FBXO21: variants seen among roughly 807,000 people sequenced by gnomAD.
FBXO21 encodes the protein F-box protein 21, also known as F-box only protein 21.
FBXO21 carries 32 observed loss-of-function variants against 76.6 expected under a neutral mutation model. The ratio of observed to expected loss-of-function variants is 0.42; its 90% CI spans 0.32 to 0.56. The LOEUF is 0.56. Ranked by LOEUF, FBXO21 falls within the 20% of genes least tolerant of loss-of-function variation. FBXO21 has a pLI of 0.16. For missense variants in FBXO21, 586 were observed against 797.3 expected (o/e 0.73, Z 3.19); for synonymous variants, 328 against 311.5 (o/e 1.05, Z -0.56).
chr12:117,151,336 T>C (rs1260074088), intron 11 of FBXO21, among the ~76,000 whole-genome samples: 1 of 144,758 alleles, frequency 6.9e-6, no homozygotes, highest in African/African-American at 2.4e-5. Flanking sequence ...GGACATCCCA[T>C]TAGGGTTTAG....
chr12:117,165,257 G>T (rs924504999), intron 9 of FBXO21, among the ~76,000 whole-genome samples: 39 of 152,048 alleles, frequency 2.6e-4, no homozygotes, highest in African/African-American at 8.5e-4. Flanking sequence ...GTGGTTCTAG[G>T]GTTTAAGGAG....
Position 117,174,767 on chromosome 12 carries a change from G to A in FBXO21, c.623C>T (p.Pro208Leu). 6.2e-7 allele frequency: 1 copy of A among 1,614,110 alleles called. No individual in the cohort carries two copies. The highest frequency in any genetic ancestry group is 1.1e-5 in the South Asian group (1 of 91,078). ...GTCTTTGAGGCTGATGTCGGAGAGAGGATTGCAGTACTGGTCAATATATAC... is the reference window on the plus strand; with the variant it reads ...GTCTTTGAGGCTGATGTCGGAGAGAAGATTGCAGTACTGGTCAATATATAC... ...GAVYIDQYCN[P>L]LSDISLKDIQ... Residue 208 changes from proline to leucine, a missense_variant, in exon 5 of 12, where the codon CCT (proline) becomes CTT (leucine). Transcript: ENST00000622495.
At chr12:117,156,828 C>T (rs775326992) in intron 10 of FBXO21, among the ~76,000 whole-genome samples, 1 of 152,170 alleles carries the variant, frequency 6.6e-6, no homozygotes, top group Non-Finnish European at 1.5e-5. Context: ...CATGTAGATA[C>T]TGATACACAG....
intron 9 of FBXO21, among the ~76,000 whole-genome samples, chr12:117,161,662 G>A (rs7300763): frequency 0.2 from 30,022 of 152,064 alleles, 3,368 homozygotes; most frequent in East Asian, 0.41. Context: ...TGTAGCAGGT[G>A]TGTGGATATG....
At chr12:117,190,162 C>G in intron 1 of FBXO21, 56 bp downstream of exon 1, 1 of 1,019,778 alleles carries the variant, frequency 9.8e-7, no homozygotes, top group Non-Finnish European at 1.2e-6. Context: ...GGCTGCCCGG[C>G]CCCGGGGGGC....
rs745883444 is a variant in FBXO21, at chr12:117,167,065, G to A, written c.1026C>T (p.Asp342=). The A allele has an allele frequency of 5.6e-6, 9 of 1,613,854 alleles. No homozygotes were observed. The Middle Eastern group carries it at 1.2e-3, about 207-fold the overall frequency. Residue 342 remains aspartate (D), a synonymous_variant, in exon 8 of 12, where the codon GAC becomes GAT. Coordinates refer to ENST00000622495, the MANE Select transcript of FBXO21 (RefSeq NM_015002.3). ...CATCTATGTAGATGTAGTCAAAGAT[G>A]TCCAGGGTCGCCCTATCCAAAGAGC... is the stretch of plus-strand genomic sequence containing the variant. ...WCQGAEGATL[D]IFDYIYIDAF... is the part of the protein sequence containing the mutation.
chr12:117,158,585 G>A (rs1392039103), intron 9 of FBXO21, among the ~76,000 whole-genome samples: 1 of 152,184 alleles, frequency 6.6e-6, no homozygotes, highest in Non-Finnish European at 1.5e-5. Flanking sequence ...CCTCAGTGCT[G>A]GAAAAGATGG....
chr12:117,189,336 C>A lies in FBXO21; in HGVS notation c.266G>T (p.Ser89Ile). 1 of 1,614,142 alleles carries A rather than the reference C, an allele frequency of 6.2e-7. No individual in the cohort carries two copies. The highest frequency in any genetic ancestry group is 8.5e-7 in the Non-Finnish European group (1 of 1,180,020). The change falls in exon 2 of 12, where the codon AGC (serine) becomes ATC (isoleucine). Residue 89 changes from serine (S) to isoleucine (I), a missense_variant. Around this residue, in one of 6 missense-constraint regions of FBXO21, gnomAD observed 152 missense variants for 127.2 expected, o/e 1.19. Coordinates refer to ENST00000622495, the MANE Select transcript of FBXO21 (RefSeq NM_015002.3). ...CAACCAATTGACGTAGTCGGTGGGGCTGTAGTGTTTCATAAGGGAAGGCCA... is the reference window on the plus strand; with the variant it reads ...CAACCAATTGACGTAGTCGGTGGGGATGTAGTGTTTCATAAGGGAAGGCCA... Reference protein sequence around the residue: ...VRWPSLMKHYSPTDYVNWLEE... With the variant: ...VRWPSLMKHYIPTDYVNWLEE...
intron 9 of FBXO21, among the ~76,000 whole-genome samples, chr12:117,161,436 C>G (rs10850780): frequency 6.6e-6 from 1 of 151,690 alleles, no homozygotes; most frequent in Non-Finnish European, 1.5e-5. Flanking sequence ...GTCTTCAAGG[C>G]AACAGGGGAG....
intron 3 of FBXO21, among the ~76,000 whole-genome samples, chr12:117,180,648 A>T (rs562379559): frequency 3.9e-5 from 6 of 151,928 alleles, no homozygotes; most frequent in Non-Finnish European, 7.4e-5. Context: ...TTCTTTTGAG[A>T]CGGAGTCTCG....
In FBXO21 at chr12:117,165,607, C is replaced by T. The variant is rs1402808138; in HGVS notation, c.1204G>A (p.Asp402Asn). 3 of 1,607,496 alleles carry T rather than the reference C, an allele frequency of 1.9e-6. No individual in the cohort carries two copies. Among genetic ancestry groups the T allele is most frequent in the Non-Finnish European group, 2.6e-6 (3 of 1,175,772 alleles). ...LLSLGKREGI[D>N]QSYQLLRDSL... is the part of the protein sequence containing the mutation. ...TCTCTCAGGAGCTGGTATGACTGGT[C>T]GATGCCTTCCCTAGCAGAGGAAAAA... The change falls in exon 9 of 12, where the codon GAC becomes AAC. Residue 402 changes from aspartate to asparagine, a missense_variant. By Grantham distance (23) the Asp-to-Asn change is conservative. Around this residue, in one of 6 missense-constraint regions of FBXO21, gnomAD observed 9 missense variants for 40.6 expected, o/e 0.22. Coordinates refer to ENST00000622495, the MANE Select transcript of FBXO21 (RefSeq NM_015002.3).
intron 11 of FBXO21, among the ~76,000 whole-genome samples, chr12:117,147,228 G>A (rs1408595687): frequency 7.8e-6 from 1 of 128,926 alleles, no homozygotes; most frequent in Non-Finnish European, 1.6e-5. Flanking sequence ...GACAACAAGA[G>A]CAAAAGTCCA....
intron 9 of FBXO21, among the ~76,000 whole-genome samples, chr12:117,161,646 C>A (rs1306365324): frequency 2.6e-5 from 4 of 152,142 alleles, no homozygotes; most frequent in African/African-American, 9.7e-5. Context: ...GAGTCACGTG[C>A]AGGGGTGTAG....
At chr12:117,157,787 G>C (rs1955933783) in intron 10 of FBXO21, 86 bp downstream of exon 10, 1 of 1,202,774 alleles carries the variant, frequency 8.3e-7, no homozygotes. Context: ...CTCCTCCACT[G>C]TGTCCTGGGG....
At chr12:117,188,129 A>C (rs1956302687) in intron 2 of FBXO21, among the ~76,000 whole-genome samples, 1 of 152,264 alleles carries the variant, frequency 6.6e-6, no homozygotes, top group African/African-American at 2.4e-5. Flanking sequence ...AAGTGAAATA[A>C]ATCAGATTGG....
chr12:117,168,888 G>A (rs1956088727), intron 7 of FBXO21, among the ~76,000 whole-genome samples: 1 of 152,222 alleles, frequency 6.6e-6, no homozygotes, highest in Admixed American at 6.5e-5. Context: ...GTGTAAATTA[G>A]TTCAACCATT....
chr12:117,150,976 G>A (rs1305331779), intron 11 of FBXO21, among the ~76,000 whole-genome samples: 1 of 150,286 alleles, frequency 6.7e-6, no homozygotes, highest in African/African-American at 2.5e-5. Context: ...GTGTGTGTGT[G>A]TGTGTGTGTG....
chr12:117,179,822 A>G (rs1956210994), intron 3 of FBXO21, among the ~76,000 whole-genome samples: 1 of 152,210 alleles, frequency 6.6e-6, no homozygotes, highest in African/African-American at 2.4e-5. Flanking sequence ...TCTATAAGGA[A>G]AAACCTCCCC....
rs143294914 is a variant in FBXO21 at position 117,186,370 on chromosome 12, G to A, written c.470+107C>T. The A allele has an allele frequency of 1.1e-4, 83 of 777,564 alleles. No individual in the cohort carries two copies. In the African/African-American group the frequency reaches 1.2e-3, roughly 11 times the overall value. 48.2% of individuals were successfully genotyped at this position (777,564 alleles called of 1,614,324 possible). A position where few individuals can be genotyped will look rare whatever the true frequency, so the allele number is the denominator to read the frequency against. ...TTCAAAACTGTAACTATGACAAGGC[G>A]TGAAATATTTGGAATCACATATTCC... On this transcript the variant is annotated intron_variant, in intron 3 of 11. Coordinates refer to ENST00000622495, the MANE Select transcript of FBXO21 (RefSeq NM_015002.3).
Sources: allele counts gnomAD v4.1 joint callset (sites outside exome capture counted in the v4.1 genomes callset), GRCh38; gene constraint gnomAD v4.1.1; regional missense constraint gnomAD v4.1.1; transcripts MANE v1.5; gene names NCBI Gene and HGNC (gene_info 2026-07-23, HGNC 2026-07-21).